CNTNAP2: variants seen among roughly 807,000 people sequenced by gnomAD.
CNTNAP2 encodes contactin-associated protein-like 2.
Under a neutral mutation model 155.2 loss-of-function variants are expected in CNTNAP2, and 98 were observed. The observed-to-expected ratio is 0.63, with a 90% CI of 0.54 to 0.75. The LOEUF (loss-of-function observed/expected upper bound fraction) is 0.75. Ranked by LOEUF, CNTNAP2 falls within the 30% of genes least tolerant of loss-of-function variation. The pLI is 0.00. For missense variants in CNTNAP2, 1,727 were observed against 1,688.1 expected, an observed-to-expected ratio of 1.02 and a Z score of -0.40; for synonymous variants, 651 against 631.2, an observed-to-expected ratio of 1.03 and a Z score of -0.47.
At chr7:147,371,745 C>T (rs928372931) in intron 9 of CNTNAP2, among the ~76,000 whole-genome samples, 1 of 152,252 alleles carries the variant, frequency 6.6e-6, no homozygotes, top group East Asian at 1.9e-4. Flanking sequence ...CTGACAGCCT[C>T]TCCAGGGGTG....
At chr7:147,451,400 C>T (rs538416478) in intron 10 of CNTNAP2, among the ~76,000 whole-genome samples, 1 of 152,226 alleles carries the variant, frequency 6.6e-6, no homozygotes, top group African/African-American at 2.4e-5. Flanking sequence ...ACCAAATTTG[C>T]ACTTAAGCTT....
At chr7:147,125,538 TTC>T (rs1169941099) in intron 6 of CNTNAP2, among the ~76,000 whole-genome samples, 1 of 152,220 alleles carries the variant, frequency 6.6e-6, no homozygotes, top group Non-Finnish European at 1.5e-5. Flanking sequence ...TTGGCTTAGA[TTC>T]TCTCTGTTCT....
At chr7:148,293,854 G>C (rs1324706474) in intron 21 of CNTNAP2, among the ~76,000 whole-genome samples, 1 of 151,828 alleles carries the variant, frequency 6.6e-6, no homozygotes, top group Non-Finnish European at 1.5e-5. Context: ...AGCCAACATG[G>C]TGAAACCTCA....
intron 9 of CNTNAP2, among the ~76,000 whole-genome samples, chr7:147,354,147 C>T (rs1214891109): frequency 1.3e-5 from 2 of 151,978 alleles, no homozygotes. Flanking sequence ...TAATTAGATC[C>T]CATTTGTCAA....
intron 1 of CNTNAP2, among the ~76,000 whole-genome samples, chr7:146,766,851 C>T (rs1257722090): frequency 1.3e-5 from 2 of 152,000 alleles, no homozygotes; most frequent in Non-Finnish European, 2.9e-5. Flanking sequence ...CATTCGGGCT[C>T]ACCCCTATAA....
chr7:147,802,089 A>G (rs1385067139), intron 13 of CNTNAP2, among the ~76,000 whole-genome samples: 1 of 132,688 alleles, frequency 7.5e-6, no homozygotes, highest in Non-Finnish European at 1.7e-5. Context: ...GGGTCTCCTC[A>G]CTTCTCAGAC....
intron 1 of CNTNAP2, among the ~76,000 whole-genome samples, chr7:146,338,717 T>C (rs1001118117): frequency 6.6e-6 from 1 of 152,164 alleles, no homozygotes; most frequent in African/African-American, 2.4e-5. Context: ...CCAGTCAGAG[T>C]TAAACAGAAC....
chr7:146,306,373 G>C (rs909525547), intron 1 of CNTNAP2, among the ~76,000 whole-genome samples: 1 of 152,064 alleles, frequency 6.6e-6, no homozygotes, highest in Non-Finnish European at 1.5e-5. Context: ...AGAAAAAGAG[G>C]GAATCCTCTC....
At chr7:147,128,872 A>G in intron 7 of CNTNAP2, 36 bp downstream of exon 7, 1 of 1,613,112 alleles carries the variant, frequency 6.2e-7, no homozygotes, top group Middle Eastern at 1.7e-4. Flanking sequence ...TGGTCTATAA[A>G]ATATCAAGTA....
At chr7:147,534,715 G>T (rs1344087235) in intron 11 of CNTNAP2, among the ~76,000 whole-genome samples, 6 of 152,112 alleles carry the variant, frequency 3.9e-5, no homozygotes, top group Admixed American at 3.9e-4. Flanking sequence ...ATTTCAATGG[G>T]CAATAAAAAC....
chr7:146,550,414 T>TG (rs1318386372), intron 1 of CNTNAP2, among the ~76,000 whole-genome samples: 3,630 of 124,786 alleles, frequency 0.029, 135 homozygotes, highest in Non-Finnish European at 0.045. Flanking sequence ...TTTTTTTTTT[T>TG]TTTTTTTTTT....
intron 21 of CNTNAP2, among the ~76,000 whole-genome samples, chr7:148,267,548 G>A (rs529114268): frequency 3.3e-5 from 5 of 151,918 alleles, no homozygotes; most frequent in African/African-American, 4.8e-5. Flanking sequence ...CCAGCTACTC[G>A]GGAGGCTGAG....
At chr7:148,061,742 T>G (rs1426989068) in intron 15 of CNTNAP2, among the ~76,000 whole-genome samples, 2 of 151,996 alleles carry the variant, frequency 1.3e-5, no homozygotes, top group African/African-American at 4.8e-5. Flanking sequence ...ATATAAATCA[T>G]CTATTCAGAA....
intron 21 of CNTNAP2, among the ~76,000 whole-genome samples, chr7:148,311,612 A>C (rs1228500477): frequency 6.6e-6 from 1 of 152,146 alleles, no homozygotes; most frequent in Non-Finnish European, 1.5e-5. Flanking sequence ...TGTGTAGGGA[A>C]GGGAGGGGGC....
intron 13 of CNTNAP2, among the ~76,000 whole-genome samples, 199 bp downstream of exon 13, chr7:147,639,505 G>A (rs1037496795): frequency 1.3e-5 from 2 of 152,152 alleles, no homozygotes; most frequent in Non-Finnish European, 2.9e-5. Context: ...GGAAAAAATA[G>A]TCCATTGTTT....
intron 3 of CNTNAP2, among the ~76,000 whole-genome samples, chr7:146,997,161 T>G (rs1798327861): frequency 6.6e-6 from 1 of 152,140 alleles, no homozygotes; most frequent in South Asian, 2.1e-4. Context: ...GTTCTAGATC[T>G]CAGGGGAAAA....
intron 13 of CNTNAP2, among the ~76,000 whole-genome samples, chr7:147,771,628 T>C (rs556232312): frequency 1.3e-5 from 2 of 152,340 alleles, no homozygotes; most frequent in Admixed American, 6.5e-5. Flanking sequence ...TCTGACATTA[T>C]ATAGGGTTTC....
chr7:148,019,993 C>G (rs1206922317), intron 15 of CNTNAP2, among the ~76,000 whole-genome samples: 1 of 152,182 alleles, frequency 6.6e-6, no homozygotes, highest in East Asian at 1.9e-4. Context: ...CCATGTTGGT[C>G]AGTCTGTTTT....
chr7:146,406,207 C>A (rs1479256663), intron 1 of CNTNAP2, among the ~76,000 whole-genome samples: 2 of 152,172 alleles, frequency 1.3e-5, no homozygotes, highest in African/African-American at 4.8e-5. Context: ...ATATTTAAAT[C>A]TCCTGACTCT....
Sources: allele counts gnomAD v4.1 joint callset (sites outside exome capture counted in the v4.1 genomes callset), GRCh38; gene constraint gnomAD v4.1.1; transcripts MANE v1.5; gene names NCBI Gene and HGNC (gene_info 2026-07-23, HGNC 2026-07-21).